The following ZNF610 variants were observed in gnomAD, a reference collection of about 807,000 sequenced individuals.
ZNF610 encodes the protein zink finger protein.
A neutral mutation model predicts 14.1 loss-of-function variants in ZNF610; 14 were observed. The ratio of observed to expected loss-of-function variants is 0.99; its 90% CI spans 0.65 to 1.55. ZNF610 has a LOEUF of 1.55. Among genes scored for constraint, ZNF610 ranks in the 40% most tolerant of loss-of-function variants. ZNF610 has a pLI of 0.00. For missense variants in ZNF610, 530 were observed against 558.0 expected, an observed-to-expected ratio of 0.95 and a Z score of 0.51; for synonymous variants, 185 against 187.6, an observed-to-expected ratio of 0.99 and a Z score of 0.11.
At chr19:52,351,911 A>G (rs569711504) in intron 3 of ZNF610, among the ~76,000 whole-genome samples, 3 of 152,218 alleles carry the variant, frequency 2.0e-5, no homozygotes, top group East Asian at 1.9e-4. Flanking sequence ...TAACGTGTTC[A>G]TGCATTTTCC....
chr19:52,356,053 G>A (rs1985508408), intron 5 of ZNF610, among the ~76,000 whole-genome samples: 1 of 152,166 alleles, frequency 6.6e-6, no homozygotes, highest in South Asian at 2.1e-4. Flanking sequence ...CCCCATCCAA[G>A]GAACCCACAA....
intron 1 of ZNF610, among the ~76,000 whole-genome samples, chr19:52,338,313 A>G (rs2122164900): frequency 6.6e-6 from 1 of 152,328 alleles, no homozygotes; most frequent in South Asian, 2.1e-4. Flanking sequence ...AGTTTCACCC[A>G]TTTGTTACAA....
At chr19:52,339,277 G>T (rs1450783345) in intron 1 of ZNF610, among the ~76,000 whole-genome samples, 2 of 151,806 alleles carry the variant, frequency 1.3e-5, no homozygotes, top group African/African-American at 4.8e-5. Flanking sequence ...CTGCAAAGAG[G>T]CCTTCCTCTT....
At chr19:52,363,578 A>G (rs936681280) in intron 5 of ZNF610, among the ~76,000 whole-genome samples, 3 of 152,116 alleles carry the variant, frequency 2.0e-5, no homozygotes, top group Non-Finnish European at 4.4e-5. Context: ...TAGTTGTTAT[A>G]TCTTCTTGGT....
upstream of ZNF610, among the ~76,000 whole-genome samples, chr19:52,333,366 C>T (rs1156830763): frequency 6.6e-6 from 1 of 152,184 alleles, no homozygotes; most frequent in African/African-American, 2.4e-5. Flanking sequence ...ATCCCCCTGG[C>T]AAAGGAGGGA....
chr19:52,349,321 A>C, intron 3 of ZNF610, 86 bp downstream of exon 3: 1 of 1,436,968 alleles, frequency 7.0e-7, no homozygotes, highest in South Asian at 1.2e-5. Context: ...GCTCACACTC[A>C]CCCATGCCTT....
intron 4 of ZNF610, among the ~76,000 whole-genome samples, chr19:52,354,027 A>G (rs1985397345): frequency 6.6e-6 from 1 of 152,170 alleles, no homozygotes; most frequent in Non-Finnish European, 1.5e-5. Flanking sequence ...CCGGATAACC[A>G]GTTCTCTGTT....
chr19:52,343,287 C>G (rs1418059988), intron 1 of ZNF610, among the ~76,000 whole-genome samples: 1 of 152,112 alleles, frequency 6.6e-6, no homozygotes, highest in Non-Finnish European at 1.5e-5. Flanking sequence ...GCCTGTAATC[C>G]CAGCTACTTG....
At chr19:52,352,013 G>T (rs2122225924) in intron 3 of ZNF610, among the ~76,000 whole-genome samples, 1 of 152,312 alleles carries the variant, frequency 6.6e-6, no homozygotes, top group East Asian at 1.9e-4. Flanking sequence ...CAATTGGTCT[G>T]TGTACTGTTT....
upstream of ZNF610, among the ~76,000 whole-genome samples, chr19:52,335,263 G>C (rs1035431661): frequency 2.6e-5 from 4 of 152,284 alleles, no homozygotes; most frequent in East Asian, 1.9e-4. Context: ...CTGGGTGACA[G>C]AGCGAGACTC....
Position 52,336,438 on chromosome 19 carries a change from G to A in ZNF610, c.-326G>A. On this transcript the variant is annotated 5_prime_UTR_variant, in exon 1 of 6. Transcript: ENST00000403906. ...TCAGGCGTCTCCGTGAGAGTCCGGC[G>A]CTCGCTTCCCTGTGTGTTAAAATCG... 5.6e-6 allele frequency: 1 copy of A among 177,782 alleles called. No homozygotes were observed. The highest frequency in any genetic ancestry group is 1.2e-5 in the Non-Finnish European group (1 of 84,352). The allele number at this position is 177,782 out of a possible 1,614,324, so 11.0% of individuals were successfully genotyped here.
intron 1 of ZNF610, among the ~76,000 whole-genome samples, chr19:52,338,922 C>CGCGCCGGTCCCG (rs113271120): frequency 2.0e-5 from 3 of 151,784 alleles, no homozygotes; most frequent in African/African-American, 4.8e-5. Flanking sequence ...ACGGAGGACC[C>CGCGCCGGTCCCG]GCGCCGGCCC....
At chr19:52,347,453 G>A (rs534961588) in intron 1 of ZNF610, among the ~76,000 whole-genome samples, 4 of 152,300 alleles carry the variant, frequency 2.6e-5, no homozygotes, top group African/African-American at 9.6e-5. Context: ...GTTATAGTAA[G>A]CTAAGGTTAA....
chr19:52,343,122 C>T (rs1297488544), intron 1 of ZNF610, among the ~76,000 whole-genome samples: 4 of 152,134 alleles, frequency 2.6e-5, no homozygotes, highest in African/African-American at 4.8e-5. Flanking sequence ...TCCCCAAACA[C>T]GTATCCCCAG....
chr19:52,338,922 C>CGCGCCCTCCG (rs1555800694), intron 1 of ZNF610, among the ~76,000 whole-genome samples: 17 of 151,784 alleles, frequency 1.1e-4, no homozygotes, highest in Non-Finnish European at 2.4e-4. Context: ...ACGGAGGACC[C>CGCGCCCTCCG]GCGCCGGCCC....
chr19:52,365,403 A>AT (rs1310649414), intron 5 of ZNF610, among the ~76,000 whole-genome samples: 1 of 152,018 alleles, frequency 6.6e-6, no homozygotes, highest in Non-Finnish European at 1.5e-5. Context: ...TAAATGTCTT[A>AT]TTTTCTCTAA....
chr19:52,332,611 C>T (rs1984239027), upstream of ZNF610, among the ~76,000 whole-genome samples: 1 of 152,156 alleles, frequency 6.6e-6, no homozygotes, highest in African/African-American at 2.4e-5. This position sits in a 1 kb window ranked among gnomAD's most constrained non-coding sequence, Gnocchi z 4.1. Flanking sequence ...ATTTGTACCA[C>T]CACCTTCGGT....
chr19:52,333,559 T>G (rs1389318882), upstream of ZNF610, among the ~76,000 whole-genome samples: 1 of 152,210 alleles, frequency 6.6e-6, no homozygotes, highest in Admixed American at 6.5e-5. Context: ...TGCTTTCTAA[T>G]AATGGTCACT....
chr19:52,357,043 A>G (rs1276882473), intron 5 of ZNF610, among the ~76,000 whole-genome samples: 3 of 152,158 alleles, frequency 2.0e-5, no homozygotes, highest in African/African-American at 7.2e-5. Context: ...CTCAGTCTCC[A>G]ATACTGCCCC....
Sources: allele counts gnomAD v4.1 joint callset (sites outside exome capture counted in the v4.1 genomes callset), GRCh38; gene constraint gnomAD v4.1.1; non-coding constraint Gnocchi (gnomAD v3.1); transcripts MANE v1.5; gene names NCBI Gene and HGNC (gene_info 2026-07-23, HGNC 2026-07-21).